The following SOX5 variants were observed in gnomAD, a reference collection of about 807,000 sequenced individuals.
SOX5 encodes the protein transcription factor SOX-5.
In SOX5, 9 loss-of-function variants were observed where a neutral mutation model predicts 92.0. The ratio of observed to expected loss-of-function variants is 0.10; its 90% CI spans 0.06 to 0.17. The LOEUF (loss-of-function observed/expected upper bound fraction) is 0.17, where lower values mean the gene tolerates loss of function less well. Among genes scored for constraint, SOX5 ranks in the 10% least tolerant of loss-of-function variants. The pLI is 1.00. For missense variants in SOX5, 642 were observed against 944.5 expected, an observed-to-expected ratio of 0.68 and a Z score of 4.20; for synonymous variants, 344 against 336.3, an observed-to-expected ratio of 1.02 and a Z score of -0.25.
chr12:23,951,923 T>C (rs1195278114), upstream of SOX5, among the ~76,000 whole-genome samples: 1 of 152,188 alleles, frequency 6.6e-6, no homozygotes, highest in African/African-American at 2.4e-5. Context: ...ATGAAAAAAT[T>C]GTTGCATTTA....
chr12:24,060,386 A>T (rs1498878), intron 4 of SOX5, among the ~76,000 whole-genome samples: 2 of 151,992 alleles, frequency 1.3e-5, no homozygotes, highest in African/African-American at 4.8e-5. Flanking sequence ...AACCATGACA[A>T]CTCTCCTGCA....
At chr12:24,424,010 TCA>T (rs995172109) in intron 1 of SOX5, among the ~76,000 whole-genome samples, 35 of 152,106 alleles carry the variant, frequency 2.3e-4, no homozygotes, top group African/African-American at 8.0e-4. Context: ...TGGGCAATAA[TCA>T]CACAATTTAA....
intron 1 of SOX5, among the ~76,000 whole-genome samples, chr12:24,519,913 G>A (rs1950120562): frequency 6.6e-6 from 1 of 152,016 alleles, no homozygotes; most frequent in Non-Finnish European, 1.5e-5. Context: ...AAGACAAAAA[G>A]AGAATTTTGA....
At chr12:24,419,538 A>G (rs1284405341) in intron 1 of SOX5, among the ~76,000 whole-genome samples, 1 of 151,878 alleles carries the variant, frequency 6.6e-6, no homozygotes, top group South Asian at 2.1e-4. Context: ...AATGTTACAG[A>G]CTCTAAAACT....
Position 23,970,841 on chromosome 12 carries a change from A to ATATATATATATTTT in SOX5, c.-1-74818_-1-74817insAAAATATATATATA. Among the ~76,000 whole-genome samples the ATATATATATATTTT allele has an allele frequency of 1.2e-3, 26 of 21,884 alleles. 3 individuals carry two copies. The East Asian group carries it at 0.013, about 11-fold the overall frequency. 14.4% of individuals were successfully genotyped at this position (21,884 alleles called of 152,430 possible). On this transcript the variant is annotated intron_variant, in intron 4 of 4. Transcript: ENST00000446891. ...ACATGGGACTTTATATATATATATA[A>ATATATATATATTTT]TTTTTTTTTTTTTTTAAGAAATGGG...
intron 4 of SOX5, among the ~76,000 whole-genome samples, chr12:24,166,669 T>G (rs1378739539): frequency 1.3e-5 from 2 of 152,194 alleles, no homozygotes; most frequent in East Asian, 1.9e-4. Context: ...TTATTTTAAT[T>G]TTGTCCCATT....
intron 4 of SOX5, among the ~76,000 whole-genome samples, chr12:24,146,564 T>C (rs1373539834): frequency 1.3e-5 from 2 of 151,830 alleles, no homozygotes; most frequent in Non-Finnish European, 2.9e-5. Context: ...CCGTTTCCAC[T>C]GTAAGAAATT....
chr12:24,334,651 C>T lies in SOX5; in HGVS notation c.-174+33912G>A, dbSNP rs117771182. Among the ~76,000 whole-genome samples the T allele has an allele frequency of 2.2e-3, 341 of 152,226 alleles. 1 individual carries two copies. The highest frequency in any genetic ancestry group is 5.9e-3 in the Admixed American group (90 of 15,288). ...TTGATTTAGTTCCAGTTCTAAGGAT[C>T]TGCCTTTACAAAATAAGCAAAGAAG... On this transcript the variant is annotated intron_variant, in intron 2 of 4. Transcript: ENST00000446891.
intron 13 of SOX5, among the ~76,000 whole-genome samples, chr12:23,539,238 A>G (rs1941362922): frequency 6.6e-6 from 1 of 152,094 alleles, no homozygotes; most frequent in African/African-American, 2.4e-5. Context: ...GGAATGCGAG[A>G]GCTGTTTGTT....
chr12:23,635,627 C>T (rs1191734339), intron 8 of SOX5, among the ~76,000 whole-genome samples: 3 of 152,036 alleles, frequency 2.0e-5, no homozygotes, highest in South Asian at 2.1e-4. Flanking sequence ...ACATATGTAA[C>T]AAATCTGCAC....
At chr12:24,323,111 C>T (rs1409701167) in intron 2 of SOX5, among the ~76,000 whole-genome samples, 1 of 151,966 alleles carries the variant, frequency 6.6e-6, no homozygotes, top group African/African-American at 2.4e-5. Flanking sequence ...ACAGAACCCA[C>T]ACCAAACCTG....
intron 8 of SOX5, among the ~76,000 whole-genome samples, chr12:23,607,655 ATAACAG>A (rs74971649): frequency 0.38 from 57,328 of 151,656 alleles, 11,120 homozygotes; most frequent in Middle Eastern, 0.46. Flanking sequence ...GTCTGCCCTA[ATAACAG>A]GTGATGTCTA....
chr12:24,020,841 C>A (rs903727276), intron 4 of SOX5, among the ~76,000 whole-genome samples: 12 of 152,188 alleles, frequency 7.9e-5, no homozygotes, highest in African/African-American at 2.9e-4. Flanking sequence ...CAGTCATCCT[C>A]TCAAACTATT....
At chr12:23,692,956 A>T (rs2089152240) in intron 6 of SOX5, among the ~76,000 whole-genome samples, 1 of 152,018 alleles carries the variant, frequency 6.6e-6, no homozygotes, top group South Asian at 2.1e-4. Flanking sequence ...CTTAAAGTCT[A>T]TTTTTTCCAA....
intron 1 of SOX5, among the ~76,000 whole-genome samples, chr12:23,947,119 A>G (rs1178757392): frequency 6.6e-6 from 1 of 151,966 alleles, no homozygotes; most frequent in Non-Finnish European, 1.5e-5. Flanking sequence ...AGACTCTACC[A>G]ATGAAATTAG....
intron 3 of SOX5, among the ~76,000 whole-genome samples, chr12:23,785,898 G>T (rs2095368947): frequency 6.6e-6 from 1 of 151,918 alleles, no homozygotes; most frequent in South Asian, 2.1e-4. Flanking sequence ...TCATGGTGTT[G>T]TTAAATTAAA....
chr12:23,978,101 A>G (rs1005694773), intron 4 of SOX5, among the ~76,000 whole-genome samples: 5 of 152,226 alleles, frequency 3.3e-5, no homozygotes, highest in African/African-American at 1.2e-4. Context: ...ACTATTATTA[A>G]TCTTCAATAA....
intron 8 of SOX5, among the ~76,000 whole-genome samples, chr12:23,627,047 C>T (rs997868189): frequency 6.6e-6 from 1 of 152,120 alleles, no homozygotes; most frequent in African/African-American, 2.4e-5. Context: ...ATTTTGGTTG[C>T]CTTTATAATG....
intron 3 of SOX5, among the ~76,000 whole-genome samples, chr12:23,776,595 A>G (rs973717918): frequency 1.3e-5 from 2 of 152,088 alleles, no homozygotes; most frequent in Non-Finnish European, 2.9e-5. Context: ...TTTTAGCACC[A>G]CGGACCAGTC....
Sources: allele counts gnomAD v4.1 joint callset (sites outside exome capture counted in the v4.1 genomes callset), GRCh38; gene constraint gnomAD v4.1.1; transcripts MANE v1.5; gene names NCBI Gene and HGNC (gene_info 2026-07-23, HGNC 2026-07-21).